The following THSD4 variants were observed in gnomAD, a reference collection of about 807,000 sequenced individuals.
THSD4 encodes the protein thrombospondin type-1 domain-containing protein 4.
In THSD4, 69 loss-of-function variants were observed where a neutral mutation model predicts 119.0. The observed-to-expected ratio is 0.58, with a 90% CI of 0.48 to 0.71. The LOEUF is 0.71. THSD4 is among the 30% of genes least tolerant of loss of function. THSD4 has a pLI of 0.00. For missense variants in THSD4, 1,393 were observed against 1,391.1 expected (o/e 1.00, Z -0.02); for synonymous variants, 524 against 540.4 (o/e 0.97, Z 0.42).
intron 2 of THSD4, among the ~76,000 whole-genome samples, chr15:71,149,315 G>C (rs1018778319): frequency 1.3e-5 from 2 of 151,122 alleles, no homozygotes; most frequent in Non-Finnish European, 1.5e-5. Context: ...GCGTGATCAC[G>C]GCTCACTGCA....
chr15:71,609,847 G>A lies in THSD4; in HGVS notation c.1153-50683G>A, dbSNP rs1302879212. ...AGCCTGGGCGACAGAGCAAGACTCC[G>A]TCTCAAAAAAAAAAAAAAAAGAAAA... is the stretch of plus-strand genomic sequence containing the variant. On this transcript the variant is annotated intron_variant, in intron 7 of 17. Coordinates refer to ENST00000261862, the MANE Select transcript of THSD4 (RefSeq NM_024817.3). Among the ~76,000 whole-genome samples, 94 of 76,006 alleles carry A rather than the reference G, an allele frequency of 1.2e-3. 1 individual carries two copies. Among genetic ancestry groups the A allele is most frequent in the South Asian group, 7.3e-4 (1 of 1,378 alleles). 49.9% of individuals were successfully genotyped at this position (76,006 alleles called of 152,430 possible). A position where few individuals can be genotyped will look rare whatever the true frequency, so the allele number is the denominator to read the frequency against.
intron 7 of THSD4, among the ~76,000 whole-genome samples, chr15:71,412,611 C>G (rs575936669): frequency 6.6e-6 from 1 of 152,182 alleles, no homozygotes; most frequent in Non-Finnish European, 1.5e-5. Flanking sequence ...GCTGGCAGAC[C>G]GATTTTAATC....
chr15:71,356,968 C>T (rs980971944), intron 6 of THSD4, among the ~76,000 whole-genome samples: 6 of 152,164 alleles, frequency 3.9e-5, no homozygotes, highest in Admixed American at 2.0e-4. Flanking sequence ...ACCATGGCTG[C>T]GCACATCAAA....
chr15:71,192,079 T>C (rs1331326348), intron 3 of THSD4, among the ~76,000 whole-genome samples: 1 of 151,902 alleles, frequency 6.6e-6, no homozygotes, highest in Non-Finnish European at 1.5e-5. Context: ...ATTTTTTGTA[T>C]TTTTAGTAGA....
intron 8 of THSD4, among the ~76,000 whole-genome samples, chr15:71,707,734 C>T (rs1276922300): frequency 2.0e-5 from 3 of 152,118 alleles, no homozygotes; most frequent in Non-Finnish European, 4.4e-5. Context: ...ATCATAGGCT[C>T]CTAAGAATTC....
intron 6 of THSD4, among the ~76,000 whole-genome samples, chr15:71,315,216 A>G (rs759572998): frequency 6.6e-6 from 1 of 152,200 alleles, no homozygotes; most frequent in Non-Finnish European, 1.5e-5. Context: ...TCTGGCTGAT[A>G]TACCTGCATT....
At chr15:71,721,679 A>C (rs1038265992) in intron 8 of THSD4, among the ~76,000 whole-genome samples, 1 of 139,250 alleles carries the variant, frequency 7.2e-6, no homozygotes, top group African/African-American at 2.6e-5. Flanking sequence ...CAAAAAAAAA[A>C]CCTAAATAAA....
At chr15:71,306,535 A>G (rs911058768) in intron 6 of THSD4, among the ~76,000 whole-genome samples, 1 of 152,122 alleles carries the variant, frequency 6.6e-6, no homozygotes, top group Non-Finnish European at 1.5e-5. Context: ...AGCAGCACCA[A>G]TGAAAAAAGG....
chr15:71,640,601 G>T (rs913119717), intron 7 of THSD4, among the ~76,000 whole-genome samples: 1 of 152,172 alleles, frequency 6.6e-6, no homozygotes, highest in African/African-American at 2.4e-5. Context: ...CCCAAGCCAT[G>T]CTGATTATTG....
intron 6 of THSD4, among the ~76,000 whole-genome samples, chr15:71,334,210 G>A (rs2045464186): frequency 6.6e-6 from 1 of 152,170 alleles, no homozygotes; most frequent in Non-Finnish European, 1.5e-5. Flanking sequence ...CTGCAGAATA[G>A]CCAAGGCATA....
intron 7 of THSD4, among the ~76,000 whole-genome samples, chr15:71,444,865 C>T (rs2047158087): frequency 6.6e-6 from 1 of 152,226 alleles, no homozygotes; most frequent in Non-Finnish European, 1.5e-5. Context: ...ATTTTACCGT[C>T]AGAGGGATTC....
intron 3 of THSD4, among the ~76,000 whole-genome samples, chr15:71,175,113 A>G (rs542821603): frequency 9.8e-6 from 1 of 102,338 alleles, no homozygotes; most frequent in African/African-American, 3.4e-5. Context: ...GTTCCTCACC[A>G]GCAACAGAAC....
intron 16 of THSD4, among the ~76,000 whole-genome samples, chr15:71,770,248 A>C (rs2053796175): frequency 8.5e-5 from 1 of 11,786 alleles, no homozygotes; most frequent in Admixed American, 1.2e-3. Flanking sequence ...AACTCCATCA[A>C]AAAAAAAAAA....
chr15:71,723,075 T>TTA (rs2052753587), intron 8 of THSD4, among the ~76,000 whole-genome samples: 1 of 151,584 alleles, frequency 6.6e-6, no homozygotes, highest in Non-Finnish European at 1.5e-5. Flanking sequence ...TAGGCTAGTT[T>TTA]TTTTTTTCTC....
rs578145470 is a variant in THSD4, at chr15:71,490,170, A to G, written c.1152+78347A>G. Among the ~76,000 whole-genome samples, 359 of 152,330 alleles carry G rather than the reference A, an allele frequency of 2.4e-3. 2 individuals are homozygous for G. In the Middle Eastern group the frequency reaches 0.037, roughly 16 times the overall value. On this transcript the variant is annotated intron_variant, in intron 7 of 17. Transcript: ENST00000261862. ...GCCAGGTGTGGTGGCTCACACCTCT[A>G]ATCCCAGCACTTTGGAGGCCGAGGC... is the stretch of plus-strand genomic sequence containing the variant.
intron 1 of THSD4, among the ~76,000 whole-genome samples, chr15:71,120,344 T>A (rs974313840): frequency 6.6e-6 from 1 of 152,232 alleles, no homozygotes; most frequent in African/African-American, 2.4e-5. Flanking sequence ...TCTGTTGACC[T>A]CTTTTCCTGT....
In THSD4 at chr15:71,728,117, A is replaced by G. The variant is rs2052898896; in HGVS notation, c.1358-432A>G. On this transcript the variant is annotated intron_variant, in intron 8 of 17. Coordinates refer to ENST00000261862, the MANE Select transcript of THSD4 (RefSeq NM_024817.3). The stretch of plus-strand genomic sequence containing the variant: ...AAATTTGGGCTCAGTTATTTTTTTT[A>G]ATAACACTACAGAAGCCAAACTAAA... 1.3e-5 allele frequency among the ~76,000 whole-genome samples: 2 copies of G among 152,100 alleles called. 1 individual carries two copies. Among genetic ancestry groups the G allele is most frequent in the South Asian group, 4.1e-4 (2 of 4,826 alleles).
intron 8 of THSD4, among the ~76,000 whole-genome samples, chr15:71,681,956 G>T (rs990859914): frequency 6.6e-6 from 1 of 152,106 alleles, no homozygotes; most frequent in Non-Finnish European, 1.5e-5. Flanking sequence ...AAAATGTTCA[G>T]CTGTGCCTCA....
At chr15:71,589,987 TAA>T (rs2049763458) in intron 7 of THSD4, among the ~76,000 whole-genome samples, 1 of 139,810 alleles carries the variant, frequency 7.2e-6, no homozygotes, top group Non-Finnish European at 1.6e-5. Flanking sequence ...AGAAACTTTT[TAA>T]AAATGTAAAA....
Sources: gnomAD v4.1 joint callset for allele counts (sites outside exome capture counted in the v4.1 genomes callset) on GRCh38, gnomAD v4.1.1 for gene constraint, MANE v1.5 for transcripts, NCBI Gene and HGNC (gene_info 2026-07-23, HGNC 2026-07-21) for gene names.